SLC31A1: variants seen among roughly 807,000 people sequenced by gnomAD.
SLC31A1 encodes the protein solute carrier family 31 member 1.
Under a neutral mutation model 17.2 loss-of-function variants are expected in SLC31A1, and 5 were observed. The observed-to-expected ratio is 0.29, with a 90% CI of 0.15 to 0.61. The LOEUF (loss-of-function observed/expected upper bound fraction) is 0.61, where lower values mean the gene tolerates loss of function less well. Ranked by LOEUF, SLC31A1 falls within the 20% of genes least tolerant of loss-of-function variation. The probability of loss-of-function intolerance (pLI) is 0.86; values close to 1 mark genes in which losing one functional copy is unlikely to be tolerated. For synonymous variants in SLC31A1, 76 were observed against 78.8 expected, an observed-to-expected ratio of 0.96 and a Z score of 0.19; for missense variants, 161 against 241.4, an observed-to-expected ratio of 0.67 and a Z score of 2.21.
intron 4 of SLC31A1, 91 bp from the exon 5 acceptor site, chr9:113,260,181 G>C (rs1425910078): frequency 8.9e-7 from 1 of 1,118,154 alleles, no homozygotes; most frequent in East Asian, 2.3e-5. Context: ...TCCAGTTCCA[G>C]CTGAGCTCAT....
intron 1 of SLC31A1, among the ~76,000 whole-genome samples, chr9:113,231,603 C>T (rs758668033): frequency 8.6e-5 from 13 of 151,690 alleles, no homozygotes; most frequent in Non-Finnish European, 1.8e-4. Flanking sequence ...TTTAGTTATG[C>T]ATTAGTGGTA....
chr9:113,233,992 T>C (rs1831427102), intron 1 of SLC31A1, among the ~76,000 whole-genome samples: 1 of 152,314 alleles, frequency 6.6e-6, no homozygotes, highest in African/African-American at 2.4e-5. Flanking sequence ...TTCTGTGCTG[T>C]CAAACACTAG....
intron 1 of SLC31A1, among the ~76,000 whole-genome samples, chr9:113,243,280 A>C (rs1005580319): frequency 6.6e-6 from 1 of 152,176 alleles, no homozygotes; most frequent in Non-Finnish European, 1.5e-5. Flanking sequence ...TGGTCCATTC[A>C]TGTTTACTCA....
chr9:113,242,982 A>T (rs1479769363), intron 1 of SLC31A1, among the ~76,000 whole-genome samples: 2 of 152,186 alleles, frequency 1.3e-5, no homozygotes, highest in Non-Finnish European at 2.9e-5. Flanking sequence ...AAATTTGGCG[A>T]GAAAATGTAA....
At chr9:113,256,062 G>A in intron 1 of SLC31A1, 52 bp from the exon 2 acceptor site, 4 of 1,333,074 alleles carry the variant, frequency 3.0e-6, no homozygotes, top group Non-Finnish European at 3.1e-6. Flanking sequence ...AAAAAAAAGA[G>A]ATAAGATTTT....
At chr9:113,247,745 GA>G (rs1801661950) in intron 1 of SLC31A1, among the ~76,000 whole-genome samples, 1 of 152,136 alleles carries the variant, frequency 6.6e-6, no homozygotes, top group Non-Finnish European at 1.5e-5. Flanking sequence ...AAATGGGGGA[GA>G]GGGGAAAGCA....
At position 113,254,102 on chromosome 9, in the gene SLC31A1, A is replaced by C. The variant is rs1831693068; in HGVS notation, c.-35-2012A>C. On this transcript the variant is annotated intron_variant, in intron 1 of 4. Coordinates refer to ENST00000374212, the MANE Select transcript of SLC31A1 (RefSeq NM_001859.4). The stretch of plus-strand genomic sequence containing the variant: ...CCCGAGTAACTGGGATTACAGGTGC[A>C]TGCCACCACACCTGGCTAATTTTTT... 2.0e-5 allele frequency among the ~76,000 whole-genome samples: 3 copies of C among 151,732 alleles called. No homozygotes were observed. The South Asian group carries it at 6.2e-4, about 31-fold the overall frequency.
At chr9:113,234,588 G>C (rs559054243) in intron 1 of SLC31A1, among the ~76,000 whole-genome samples, 1 of 141,090 alleles carries the variant, frequency 7.1e-6, no homozygotes, top group South Asian at 2.3e-4. Context: ...ATTCAGAACT[G>C]TGGTTCTCAA....
chr9:113,247,337 C>G (rs949011728), intron 1 of SLC31A1, among the ~76,000 whole-genome samples: 1 of 152,170 alleles, frequency 6.6e-6, no homozygotes, highest in Non-Finnish European at 1.5e-5. Flanking sequence ...AGAACTGTCC[C>G]GGGCTCCAGA....
chr9:113,259,236 T>C (rs1446223345), intron 4 of SLC31A1, among the ~76,000 whole-genome samples: 1 of 152,250 alleles, frequency 6.6e-6, no homozygotes, highest in Non-Finnish European at 1.5e-5. Context: ...AGCCCTGTCC[T>C]CTTTTTCTTT....
chr9:113,234,392 G>T (rs970794577), intron 1 of SLC31A1, among the ~76,000 whole-genome samples: 13 of 150,418 alleles, frequency 8.6e-5, no homozygotes, highest in Admixed American at 6.7e-5. Flanking sequence ...GGCCAGGCTG[G>T]TCTCAAACTC....
intron 1 of SLC31A1, among the ~76,000 whole-genome samples, chr9:113,246,322 T>C (rs1394517748): frequency 6.6e-6 from 1 of 150,980 alleles, no homozygotes; most frequent in African/African-American, 2.4e-5. Context: ...TGGGATTACA[T>C]GTGTGAGCCA....
chr9:113,236,010 GAC>G (rs1233727634), intron 1 of SLC31A1, among the ~76,000 whole-genome samples: 2 of 152,140 alleles, frequency 1.3e-5, no homozygotes, highest in Non-Finnish European at 2.9e-5. Context: ...TTTGTTTTGA[GAC>G]AGTCTTGCTG....
At chr9:113,228,367 A>G (rs1831365422) in intron 1 of SLC31A1, among the ~76,000 whole-genome samples, 1 of 152,232 alleles carries the variant, frequency 6.6e-6, no homozygotes, top group Admixed American at 6.5e-5. Context: ...ACCCAACAAC[A>G]AAAGGTATCA....
intron 1 of SLC31A1, among the ~76,000 whole-genome samples, chr9:113,230,665 G>A (rs368465393): frequency 1.3e-5 from 2 of 152,080 alleles, no homozygotes; most frequent in East Asian, 3.8e-4. Flanking sequence ...GGTGTTTAGC[G>A]TATACATCAC....
intron 1 of SLC31A1, among the ~76,000 whole-genome samples, chr9:113,234,291 C>T (rs553164580): frequency 1.1e-3 from 160 of 151,908 alleles, no homozygotes; most frequent in African/African-American, 3.5e-3. Flanking sequence ...ACCTCTGCCT[C>T]CCGGGTTCCT....
At chr9:113,259,726 A>G (rs1831769476) in intron 4 of SLC31A1, among the ~76,000 whole-genome samples, 1 of 151,972 alleles carries the variant, frequency 6.6e-6, no homozygotes. Context: ...CTGGAACTAC[A>G]GGCATGAGCC....
chr9:113,245,457 G>A (rs1831565859), intron 1 of SLC31A1, among the ~76,000 whole-genome samples: 1 of 152,126 alleles, frequency 6.6e-6, no homozygotes, highest in African/African-American at 2.4e-5. Context: ...CCCGGCCTCT[G>A]TCAGTTAATT....
chr9:113,251,357 T>G (rs10817468), intron 1 of SLC31A1, among the ~76,000 whole-genome samples: 71,327 of 151,720 alleles, frequency 0.47, 17,090 homozygotes, highest in South Asian at 0.59. Context: ...GAGAGGTGGA[T>G]GTTGCAGTGA....
Sources: gnomAD v4.1 joint callset for allele counts (sites outside exome capture counted in the v4.1 genomes callset) on GRCh38, gnomAD v4.1.1 for gene constraint, MANE v1.5 for transcripts, NCBI Gene and HGNC (gene_info 2026-07-23, HGNC 2026-07-21) for gene names.